The following CDH4 variants were observed in gnomAD, a reference collection of about 807,000 sequenced individuals.
The protein encoded by CDH4 is cadherin-4.
CDH4 carries 33 observed loss-of-function variants against 86.0 expected under a neutral mutation model. That is an observed-to-expected ratio of 0.38 (90% CI 0.29 to 0.51). The LOEUF (loss-of-function observed/expected upper bound fraction) is 0.51. Among genes scored for constraint, CDH4 ranks in the 20% least tolerant of loss-of-function variants. The pLI is 0.86. For synonymous variants in CDH4, 555 were observed against 549.4 expected (o/e 1.01, Z -0.14); for missense variants, 1,114 against 1,307.4 (o/e 0.85, Z 2.28).
At chr20:61,804,629 G>A (rs1026790111) in intron 4 of CDH4, among the ~76,000 whole-genome samples, 11 of 152,286 alleles carry the variant, frequency 7.2e-5, no homozygotes, top group African/African-American at 2.4e-4. Context: ...CCCAGCTCTC[G>A]CCTGGTGGGT....
chr20:61,923,605 A>T lies in CDH4; in HGVS notation c.1529A>T (p.Asn510Ile). 1 of 1,614,032 alleles carries T rather than the reference A, an allele frequency of 6.2e-7. No individual in the cohort carries two copies. Among genetic ancestry groups the T allele is most frequent in the Non-Finnish European group, 8.5e-7 (1 of 1,179,980 alleles). ...DINEAPYFPS[N>I]HKLIRLEEGV... is the part of the protein sequence containing the mutation. ...AACGAGGCTCCCTACTTCCCCTCAA[A>T]CCACAAGCTGATCCGCCTGGAGGAG... is the stretch of plus-strand genomic sequence containing the variant. The change falls in exon 10 of 16, where the codon AAC (asparagine) becomes ATC (isoleucine). Residue 510 changes from asparagine (N) to isoleucine (I), a missense_variant. Transcript: ENST00000614565.
intron 4 of CDH4, among the ~76,000 whole-genome samples, chr20:61,825,927 G>A (rs1282596264): frequency 6.6e-6 from 1 of 152,080 alleles, no homozygotes; most frequent in Admixed American, 6.6e-5. Context: ...TCTCACATCC[G>A]ATTTGTCTCC....
At chr20:61,496,682 T>A (rs551378204) in intron 2 of CDH4, among the ~76,000 whole-genome samples, 1 of 152,328 alleles carries the variant, frequency 6.6e-6, no homozygotes, top group South Asian at 2.1e-4. Flanking sequence ...AAGACTCCAA[T>A]CAAGATGCAG....
chr20:61,763,561 A>G (rs58473230), intron 3 of CDH4, among the ~76,000 whole-genome samples: 9,186 of 152,290 alleles, frequency 0.06, 340 homozygotes, highest in South Asian at 0.1. Context: ...GGGACCTGCT[A>G]TCTGCATCTC....
chr20:61,343,051 C>G (rs2123285613), intron 2 of CDH4, among the ~76,000 whole-genome samples: 1 of 152,324 alleles, frequency 6.6e-6, no homozygotes, highest in South Asian at 2.1e-4. Flanking sequence ...CAGATGACCT[C>G]ACTGGTTATG....
At chr20:61,659,268 G>A (rs1408715497) in intron 2 of CDH4, among the ~76,000 whole-genome samples, 1 of 151,260 alleles carries the variant, frequency 6.6e-6, no homozygotes, top group Non-Finnish European at 1.5e-5. Flanking sequence ...CAAACTCTAG[G>A]GCAACCACTA....
At chr20:61,772,878 G>T in intron 3 of CDH4, 125 bp from the exon 4 acceptor site, 6 of 706,030 alleles carry the variant, frequency 8.5e-6, no homozygotes, top group Middle Eastern at 2.8e-4. Flanking sequence ...TTAGCTCCTT[G>T]TCCCAGCGTT....
chr20:61,930,446 C>T (rs948182787), intron 13 of CDH4, among the ~76,000 whole-genome samples: 3 of 152,190 alleles, frequency 2.0e-5, no homozygotes, highest in African/African-American at 7.2e-5. Context: ...GGTCCCTCTT[C>T]CCATCATCCC....
intron 4 of CDH4, among the ~76,000 whole-genome samples, chr20:61,844,085 T>C (rs185102039): frequency 3.6e-4 from 55 of 152,316 alleles, no homozygotes; most frequent in African/African-American, 1.3e-3. Flanking sequence ...CAATCTTTGC[T>C]CAAAAACCAA....
intron 2 of CDH4, among the ~76,000 whole-genome samples, chr20:61,404,028 A>C (rs1310477116): frequency 6.6e-6 from 1 of 152,188 alleles, no homozygotes; most frequent in African/African-American, 2.4e-5. Flanking sequence ...GTCCTAATGA[A>C]AGGACCATGT....
intron 2 of CDH4, among the ~76,000 whole-genome samples, chr20:61,566,323 T>C (rs1325036390): frequency 6.6e-6 from 1 of 152,238 alleles, no homozygotes; most frequent in Admixed American, 6.5e-5. Context: ...TCCAAAGGTT[T>C]TGAAAGTGGT....
chr20:61,604,314 G>A lies in CDH4; in HGVS notation c.170-139249G>A, dbSNP rs552494543. On this transcript the variant is annotated intron_variant, in intron 2 of 15. Coordinates refer to ENST00000614565, the MANE Select transcript of CDH4 (RefSeq NM_001794.5). ...TATCTGCCCTGGCGGCAGCCGCAGC[G>A]CCTGTCTTTGCACCTAATGGGCCTT... 4.0e-4 allele frequency among the ~76,000 whole-genome samples: 61 copies of A among 152,326 alleles called. No individual in the cohort carries two copies. The South Asian group carries it at 0.011, about 27-fold the overall frequency.
intron 2 of CDH4, among the ~76,000 whole-genome samples, chr20:61,374,044 G>A (rs1384437403): frequency 2.6e-5 from 4 of 152,136 alleles, no homozygotes; most frequent in African/African-American, 4.8e-5. Flanking sequence ...TACAGAGCCC[G>A]CGGGGCTCCT....
chr20:61,385,998 G>A lies in CDH4; in HGVS notation c.169+131061G>A, dbSNP rs114561184. On this transcript the variant is annotated intron_variant, in intron 2 of 15. Coordinates refer to ENST00000614565, the MANE Select transcript of CDH4 (RefSeq NM_001794.5). ...GGTCAGGAGCCACAGTTGTCCTAGC[G>A]CCTGGGGACGCTCATGGATGTTTCT... Among the ~76,000 whole-genome samples, 510 of 152,262 alleles carry A rather than the reference G, an allele frequency of 3.3e-3. 2 individuals carry two copies. Among genetic ancestry groups the A allele is most frequent in the African/African-American group, 0.011 (473 of 41,554 alleles).
intron 2 of CDH4, among the ~76,000 whole-genome samples, chr20:61,463,591 G>A (rs2085456754): frequency 6.6e-6 from 1 of 152,212 alleles, no homozygotes; most frequent in Admixed American, 6.5e-5. Context: ...TGAAGACAAT[G>A]GCTTCAAATG....
chr20:61,509,453 A>T (rs1344614639), intron 2 of CDH4, among the ~76,000 whole-genome samples: 2 of 149,726 alleles, frequency 1.3e-5, no homozygotes, highest in African/African-American at 4.9e-5. Flanking sequence ...TGTCGAGGGT[A>T]TCAAGCCAGG....
intron 2 of CDH4, among the ~76,000 whole-genome samples, chr20:61,614,522 C>T (rs916818828): frequency 1.3e-5 from 2 of 152,056 alleles, no homozygotes; most frequent in Non-Finnish European, 2.9e-5. Flanking sequence ...GTGGCCGGTG[C>T]GTGGGACTGG....
rs1354142417 is a variant in CDH4, at chr20:61,703,118, G to A, written c.170-40445G>A. 6.6e-6 allele frequency among the ~76,000 whole-genome samples: 1 copy of A among 152,192 alleles called. No homozygotes were observed. ...AATTTACACTCTGGTGGGGCAGGGG[G>A]CCACGGGATGTTAGAAATGCGGCAG... On this transcript the variant is annotated intron_variant, in intron 2 of 15. Transcript: ENST00000614565. The surrounding 1 kb of genome is among the most constrained non-coding windows in gnomAD (Gnocchi z 4.3).
chr20:61,339,076 T>C (rs1250872406), intron 2 of CDH4, among the ~76,000 whole-genome samples: 1 of 152,212 alleles, frequency 6.6e-6, no homozygotes, highest in African/African-American at 2.4e-5. Flanking sequence ...CATATATTCA[T>C]GTTCTCATGG....
Sources: allele counts gnomAD v4.1 joint callset (sites outside exome capture counted in the v4.1 genomes callset), GRCh38; gene constraint gnomAD v4.1.1; non-coding constraint Gnocchi (gnomAD v3.1); transcripts MANE v1.5; gene names NCBI Gene and HGNC (gene_info 2026-07-23, HGNC 2026-07-21).